The following SLC24A3 variants were observed in gnomAD, a reference collection of about 807,000 sequenced individuals.
The protein encoded by SLC24A3 is solute carrier family 24 member 3.
SLC24A3 carries 28 observed loss-of-function variants against 75.8 expected under a neutral mutation model. The ratio of observed to expected loss-of-function variants is 0.37; its 90% CI spans 0.27 to 0.51. SLC24A3 has a LOEUF of 0.51. Ranked by LOEUF, SLC24A3 falls within the 20% of genes least tolerant of loss-of-function variation. The pLI is 0.94. For synonymous variants in SLC24A3, 372 were observed against 334.1 expected (o/e 1.11, Z -1.24); for missense variants, 663 against 847.8 (o/e 0.78, Z 2.71).
At position 19,335,983 on chromosome 20, in the gene SLC24A3, A is replaced by G. The variant is rs756418365; in HGVS notation, c.271+54896A>G. Among the ~76,000 whole-genome samples the G allele has an allele frequency of 3.9e-5, 6 of 152,186 alleles. No individual in the cohort carries two copies. The South Asian group carries it at 1.0e-3, about 26-fold the overall frequency. ...TAGCCCCTGGGTCTTTCTTAACACAACATCTCTGGTACATAATTGCAAGTC... is the reference window on the plus strand; with the variant it reads ...TAGCCCCTGGGTCTTTCTTAACACAGCATCTCTGGTACATAATTGCAAGTC... On this transcript the variant is annotated intron_variant, in intron 2 of 16. Coordinates refer to ENST00000328041, the MANE Select transcript of SLC24A3 (RefSeq NM_020689.4).
At chr20:19,377,619 C>T (rs1159670271) in intron 2 of SLC24A3, among the ~76,000 whole-genome samples, 2 of 152,112 alleles carry the variant, frequency 1.3e-5, no homozygotes, top group Non-Finnish European at 2.9e-5. Context: ...GTTGAATGCA[C>T]GCTTAAAATC....
chr20:19,540,021 G>C (rs915403122), intron 3 of SLC24A3, among the ~76,000 whole-genome samples: 1 of 152,148 alleles, frequency 6.6e-6, no homozygotes, highest in Non-Finnish European at 1.5e-5. Flanking sequence ...TTGCTTTTGG[G>C]AGAGACCTGT....
intron 15 of SLC24A3, among the ~76,000 whole-genome samples, chr20:19,700,418 G>A (rs1248189462): frequency 7.5e-6 from 1 of 132,514 alleles, no homozygotes; most frequent in South Asian, 2.4e-4. Context: ...AGGCCTGGAA[G>A]TGGTGTCTGT....
At chr20:19,597,506 T>G (rs773148248) in intron 6 of SLC24A3, among the ~76,000 whole-genome samples, 16 of 152,234 alleles carry the variant, frequency 1.1e-4, no homozygotes, top group Non-Finnish European at 2.2e-4. Context: ...ATAGAATATA[T>G]AATAATCAAA....
chr20:19,343,499 T>C (rs867001481), intron 2 of SLC24A3, among the ~76,000 whole-genome samples: 1 of 152,296 alleles, frequency 6.6e-6, no homozygotes, highest in East Asian at 1.9e-4. Context: ...TATCTCATCA[T>C]TACGGCAGAT....
At chr20:19,662,955 G>T (rs1489216134) in intron 7 of SLC24A3, among the ~76,000 whole-genome samples, 1 of 152,184 alleles carries the variant, frequency 6.6e-6, no homozygotes, top group Non-Finnish European at 1.5e-5. Flanking sequence ...CTAATTTCCA[G>T]TCTTCGGAAG....
At chr20:19,481,853 C>G (rs1471731843) in intron 2 of SLC24A3, among the ~76,000 whole-genome samples, 1 of 152,104 alleles carries the variant, frequency 6.6e-6, no homozygotes, top group African/African-American at 2.4e-5. Flanking sequence ...CTTCTTTGAG[C>G]TCTAGCCTTA....
At chr20:19,689,287 T>C (rs1344214916) in intron 12 of SLC24A3, among the ~76,000 whole-genome samples, 1 of 152,248 alleles carries the variant, frequency 6.6e-6, no homozygotes, top group East Asian at 1.9e-4. Flanking sequence ...TACTGTGCAA[T>C]AACTTTTTCT....
At chr20:19,416,673 C>T (rs915503687) in intron 2 of SLC24A3, among the ~76,000 whole-genome samples, 5 of 152,196 alleles carry the variant, frequency 3.3e-5, no homozygotes, top group Non-Finnish European at 5.9e-5. Flanking sequence ...TAGCAGTTCA[C>T]TACAGAGAGC....
chr20:19,300,679 G>A (rs1408601527), intron 2 of SLC24A3, among the ~76,000 whole-genome samples: 3 of 152,128 alleles, frequency 2.0e-5, no homozygotes, highest in Admixed American at 2.0e-4. Flanking sequence ...TTCCTTCGGT[G>A]CGATGACTGA....
chr20:19,624,277 G>A (rs966283175), intron 6 of SLC24A3, among the ~76,000 whole-genome samples: 2 of 152,110 alleles, frequency 1.3e-5, no homozygotes, highest in African/African-American at 4.8e-5. Context: ...TGACAGCTCT[G>A]TAGGCAAGTA....
At chr20:19,501,787 T>A (rs1480510714) in intron 2 of SLC24A3, among the ~76,000 whole-genome samples, 1 of 152,152 alleles carries the variant, frequency 6.6e-6, no homozygotes, top group East Asian at 1.9e-4. Context: ...TTCTGTCTGA[T>A]TTTTGGTTTA....
chr20:19,681,321 C>T (rs1334138364), intron 9 of SLC24A3, among the ~76,000 whole-genome samples: 1 of 152,168 alleles, frequency 6.6e-6, no homozygotes, highest in East Asian at 1.9e-4. Context: ...AACCCATGAC[C>T]TCAGGAAACC....
At chr20:19,578,835 T>C (rs1820510898) in intron 3 of SLC24A3, among the ~76,000 whole-genome samples, 1 of 152,160 alleles carries the variant, frequency 6.6e-6, no homozygotes, top group Non-Finnish European at 1.5e-5. Flanking sequence ...GGTGGACACC[T>C]GATCAAGGGC....
intron 3 of SLC24A3, among the ~76,000 whole-genome samples, chr20:19,530,562 C>A (rs1406604613): frequency 6.6e-6 from 1 of 152,164 alleles, no homozygotes; most frequent in Non-Finnish European, 1.5e-5. Flanking sequence ...GTTTTGGCTT[C>A]TTCATCTTTA....
At chr20:19,685,787 G>C in intron 12 of SLC24A3, among the ~76,000 whole-genome samples, 1 of 152,066 alleles carries the variant, frequency 6.6e-6, no homozygotes, top group Non-Finnish European at 1.5e-5. Context: ...TAGCAGGGAA[G>C]GAATGTAGCT....
At chr20:19,483,667 G>T (rs1414379202) in intron 2 of SLC24A3, among the ~76,000 whole-genome samples, 1 of 152,172 alleles carries the variant, frequency 6.6e-6, no homozygotes, top group Non-Finnish European at 1.5e-5. Flanking sequence ...GGATCTACAT[G>T]GCCAGGAGGC....
At chr20:19,681,286 T>G (rs2032612769) in intron 9 of SLC24A3, among the ~76,000 whole-genome samples, 1 of 152,194 alleles carries the variant, frequency 6.6e-6, no homozygotes, top group Non-Finnish European at 1.5e-5. Context: ...TTAGGCACGA[T>G]AGTCATAGAA....
intron 6 of SLC24A3, among the ~76,000 whole-genome samples, chr20:19,605,688 T>G (rs189158632): frequency 6.2e-4 from 95 of 152,324 alleles, no homozygotes; most frequent in Non-Finnish European, 1.2e-3. Context: ...TTCGACGTCT[T>G]CCCCAGAAAG....
Sources: allele counts gnomAD v4.1 joint callset (sites outside exome capture counted in the v4.1 genomes callset), GRCh38; gene constraint gnomAD v4.1.1; transcripts MANE v1.5; gene names NCBI Gene and HGNC (gene_info 2026-07-23, HGNC 2026-07-21).